Variants in TMPRSS11A observed in about 807,000 individuals in gnomAD.
TMPRSS11A encodes transmembrane protease serine 11A.
In TMPRSS11A, 53 loss-of-function variants were observed where a neutral mutation model predicts 58.9. The observed-to-expected ratio is 0.90, with a 90% CI of 0.72 to 1.13. The LOEUF (loss-of-function observed/expected upper bound fraction) is 1.13, where lower values mean the gene tolerates loss of function less well. Among genes scored for constraint, TMPRSS11A ranks in the 50% most tolerant of loss-of-function variants. The probability of loss-of-function intolerance (pLI) is 0.00; values close to 1 mark genes in which losing one functional copy is unlikely to be tolerated. For synonymous variants in TMPRSS11A, 167 were observed against 169.8 expected (o/e 0.98, Z 0.13); for missense variants, 493 against 499.3 (o/e 0.99, Z 0.12).
At chr4:67,922,999 C>T (rs1272701611) in intron 6 of TMPRSS11A, 73 bp from the exon 7 acceptor site, 3 of 1,513,678 alleles carry the variant, frequency 2.0e-6, no homozygotes, top group African/African-American at 2.7e-5. Flanking sequence ...TTCTTACTTG[C>T]CTGAAGACAT....
intron 3 of TMPRSS11A, among the ~76,000 whole-genome samples, chr4:67,937,446 T>A (rs1422388616): frequency 6.6e-6 from 1 of 152,238 alleles, no homozygotes; most frequent in East Asian, 1.9e-4. Flanking sequence ...AGAGGATTTA[T>A]AATCTTCATG....
chr4:67,909,482 T>C lies in TMPRSS11A; in HGVS notation c.*1860A>G, dbSNP rs990709577. ...CAAAATGAAATGCTGCACCAAATAGTTTAAAAATACAAAGTTCATAATTCT... is the reference window on the plus strand; with the variant it reads ...CAAAATGAAATGCTGCACCAAATAGCTTAAAAATACAAAGTTCATAATTCT... On this transcript the variant is annotated 3_prime_UTR_variant, in exon 10 of 10. Coordinates refer to ENST00000508048, the MANE Select transcript of TMPRSS11A (RefSeq NM_001114387.2). 6.6e-6 allele frequency: 1 copy of C among 152,136 alleles called. No individual in the cohort carries two copies. Among genetic ancestry groups the C allele is most frequent in the Non-Finnish European group, 1.5e-5 (1 of 67,980 alleles). The allele number at this position is 152,136 out of a possible 1,614,324, so 9.4% of individuals were successfully genotyped here. A position where few individuals can be genotyped will look rare whatever the true frequency, so the allele number is the denominator to read the frequency against.
chr4:67,918,481 C>G (rs1044598888), intron 8 of TMPRSS11A, among the ~76,000 whole-genome samples: 3 of 152,202 alleles, frequency 2.0e-5, no homozygotes, highest in African/African-American at 7.2e-5. Flanking sequence ...GCCACTCAAT[C>G]TGAGTCCTCC....
chr4:67,959,659 G>C (rs1321477689), intron 1 of TMPRSS11A, among the ~76,000 whole-genome samples: 4 of 152,112 alleles, frequency 2.6e-5, no homozygotes, highest in Non-Finnish European at 5.9e-5. Flanking sequence ...TACTATTAAA[G>C]AGTCAAAAAA....
At chr4:67,925,824 A>G (rs746085310) in intron 5 of TMPRSS11A, among the ~76,000 whole-genome samples, 9 of 152,230 alleles carry the variant, frequency 5.9e-5, no homozygotes, top group Non-Finnish European at 8.8e-5. Context: ...CAAGTTAGCC[A>G]TTTCCAGGAA....
intron 1 of TMPRSS11A, among the ~76,000 whole-genome samples, chr4:67,948,032 G>T (rs1320841228): frequency 6.6e-6 from 1 of 151,642 alleles, no homozygotes; most frequent in Admixed American, 6.6e-5. Flanking sequence ...ATCTCTTTAT[G>T]TGTATATATT....
chr4:67,961,482 C>CTTTTTTTTTTTTTTTTTT lies in TMPRSS11A; in HGVS notation c.11+1900_11+1901insAAAAAAAAAAAAAAAAAA, dbSNP rs1721418705. Among the ~76,000 whole-genome samples the CTTTTTTTTTTTTTTTTTT allele has an allele frequency of 2.9e-5, 3 of 102,454 alleles. 1 individual carries two copies. The highest frequency in any genetic ancestry group is 1.4e-4 in the African/African-American group (3 of 20,958). 67.2% of individuals were successfully genotyped at this position (102,454 alleles called of 152,430 possible). On this transcript the variant is annotated intron_variant, in intron 1 of 9. Coordinates refer to ENST00000508048, the MANE Select transcript of TMPRSS11A (RefSeq NM_001114387.2). ...CTTTTCTTTCCTTTCCTTTTCTTTT[C>CTTTTTTTTTTTTTTTTTT]CTTTTTTTTTTTTTTTTTTTTTTTT...
At chr4:67,920,665 A>G (rs1434886017) in intron 7 of TMPRSS11A, among the ~76,000 whole-genome samples, 1 of 151,460 alleles carries the variant, frequency 6.6e-6, no homozygotes, top group African/African-American at 2.4e-5. Context: ...TTACATGTGC[A>G]GGTTTGTTAC....
chr4:67,925,955 A>G (rs1203488881), intron 5 of TMPRSS11A, among the ~76,000 whole-genome samples: 1 of 152,222 alleles, frequency 6.6e-6, no homozygotes, highest in Non-Finnish European at 1.5e-5. Flanking sequence ...AATTTTGACC[A>G]AAGATTTTTA....
chr4:67,933,186 C>A (rs975772686), intron 3 of TMPRSS11A, among the ~76,000 whole-genome samples: 7 of 152,078 alleles, frequency 4.6e-5, no homozygotes, highest in African/African-American at 1.7e-4. Context: ...CCTTAGCATG[C>A]TCAGGAATTC....
chr4:67,951,308 C>T (rs964038854), intron 1 of TMPRSS11A, among the ~76,000 whole-genome samples: 1 of 152,188 alleles, frequency 6.6e-6, no homozygotes, highest in African/African-American at 2.4e-5. Flanking sequence ...GACTGAAAGA[C>T]ACATTCATTG....
chr4:67,945,960 G>C (rs1454695023), intron 2 of TMPRSS11A, among the ~76,000 whole-genome samples: 3 of 152,006 alleles, frequency 2.0e-5, no homozygotes, highest in African/African-American at 7.2e-5. Flanking sequence ...CATACGTATA[G>C]GTTTTCAATC....
rs147032305 is a variant in TMPRSS11A at position 67,919,082 on chromosome 4, T to C, written c.843A>G (p.Arg281=). 1.3e-5 allele frequency: 21 copies of C among 1,614,210 alleles called. No individual in the cohort carries two copies. The highest frequency in any genetic ancestry group is 1.7e-5 in the Non-Finnish European group (20 of 1,180,026). ...YDIAVVQVSS[R]VTFSDDIRQI... ...GGCGTATGTCATCCGAAAAGGTGACTCTGGAAGAGACCTGCACAACAGCAA... is the reference window on the plus strand; with the variant it reads ...GGCGTATGTCATCCGAAAAGGTGACCCTGGAAGAGACCTGCACAACAGCAA... Residue 281 remains arginine, a synonymous_variant, in exon 8 of 10, where the codon AGA becomes AGG. Transcript: ENST00000508048.
intron 3 of TMPRSS11A, among the ~76,000 whole-genome samples, chr4:67,939,139 A>T (rs1243981925): frequency 6.8e-6 from 1 of 146,774 alleles, no homozygotes; most frequent in Admixed American, 6.8e-5. Flanking sequence ...CTCCTTGGTT[A>T]GATGTATTCC....
intron 2 of TMPRSS11A, among the ~76,000 whole-genome samples, chr4:67,945,694 A>G (rs184426997): frequency 8.5e-5 from 13 of 152,330 alleles, no homozygotes; most frequent in African/African-American, 2.6e-4. Flanking sequence ...GTGACAGCAG[A>G]TAAGAGCGTT....
chr4:67,918,670 C>A (rs954723097), intron 8 of TMPRSS11A, among the ~76,000 whole-genome samples: 38 of 152,106 alleles, frequency 2.5e-4, no homozygotes, highest in Non-Finnish European at 4.4e-4. Flanking sequence ...AAAGAAGGGG[C>A]AAAAAATTCA....
intron 1 of TMPRSS11A, among the ~76,000 whole-genome samples, chr4:67,961,667 C>A (rs1721433778): frequency 1.3e-5 from 2 of 151,968 alleles, no homozygotes; most frequent in Non-Finnish European, 2.9e-5. Flanking sequence ...CATGCGCCAC[C>A]ATGCCCGGCT....
intron 9 of TMPRSS11A, 99 bp from the exon 10 acceptor site, chr4:67,911,602 G>T: frequency 2.3e-6 from 2 of 874,158 alleles, no homozygotes; most frequent in Non-Finnish European, 3.5e-6. Context: ...TTACTAGACA[G>T]TACATGTATA....
At position 67,910,129 on chromosome 4, in the gene TMPRSS11A, C is replaced by A. The variant is rs1489271809; in HGVS notation, c.*1213G>T. ...TTAATTGTATTACGAAATACATGAG[C>A]CTTACTCTCCTAATGACTTCAGGAG... On this transcript the variant is annotated 3_prime_UTR_variant, in exon 10 of 10. Transcript: ENST00000508048. 6.6e-6 allele frequency: 1 copy of A among 151,910 alleles called. No homozygotes were observed. The highest frequency in any genetic ancestry group is 1.9e-4 in the East Asian group (1 of 5,176). The allele number at this position is 151,910 out of a possible 1,614,324, so 9.4% of individuals were successfully genotyped here.
Sources: gnomAD v4.1 joint callset for allele counts (sites outside exome capture counted in the v4.1 genomes callset) on GRCh38, gnomAD v4.1.1 for gene constraint, MANE v1.5 for transcripts, NCBI Gene and HGNC (gene_info 2026-07-23, HGNC 2026-07-21) for gene names.